ANHX: variants seen among roughly 807,000 people sequenced by gnomAD.
ANHX encodes the protein anomalous homeobox protein.
A neutral mutation model predicts 38.9 loss-of-function variants in ANHX; 20 were observed. The ratio of observed to expected loss-of-function variants is 0.51; its 90% confidence interval spans 0.36 to 0.75. The LOEUF is 0.75. Ranked by LOEUF, ANHX falls within the 30% of genes least tolerant of loss-of-function variation. ANHX has a pLI of 0.00. For missense variants in ANHX, 475 were observed against 493.1 expected (o/e 0.96, Z 0.35); for synonymous variants, 185 against 203.1 (o/e 0.91, Z 0.76).
At chr12:133,228,497 C>T (rs1254377949) in intron 3 of ANHX, among the ~76,000 whole-genome samples, 1 of 152,198 alleles carries the variant, frequency 6.6e-6, no homozygotes, top group Non-Finnish European at 1.5e-5. Flanking sequence ...ACCCCTGCCA[C>T]CCTGCATGGC....
chr12:133,229,794 G>T (rs1194633750), intron 3 of ANHX, among the ~76,000 whole-genome samples: 1 of 152,146 alleles, frequency 6.6e-6, no homozygotes, highest in East Asian at 1.9e-4. Flanking sequence ...TCCTCCTGCT[G>T]CTCATCAGCC....
chr12:133,223,464 G>A (rs943206818), intron 7 of ANHX, among the ~76,000 whole-genome samples: 5 of 54,854 alleles, frequency 9.1e-5, no homozygotes, highest in Non-Finnish European at 1.9e-4. Flanking sequence ...TTTTTTTTTT[G>A]AGACGGAGCC....
rs1431480237 is a variant in ANHX, at chr12:133,218,940, T to G, written c.1397A>C (p.Asp466Ala). 1 of 1,534,534 alleles carries G rather than the reference T, an allele frequency of 6.5e-7. No individual in the cohort carries two copies. The highest frequency in any genetic ancestry group is 2.0e-5 in the Admixed American group (1 of 50,938). ...VQCSDSQASG[D>A]AFWGARMLLE... ...GAGCATCCTGGCTCCCCAGAAGGCATCACCAGAGGCCTGGCTATCAGAACA... is the reference window on the plus strand; with the variant it reads ...GAGCATCCTGGCTCCCCAGAAGGCAGCACCAGAGGCCTGGCTATCAGAACA... Residue 466 changes from aspartate to alanine, a missense_variant, in exon 10 of 10, where the codon GAT becomes GCT. Transcript: ENST00000545940.
chr12:133,228,233 C>A (rs2135566396), intron 3 of ANHX, among the ~76,000 whole-genome samples: 1 of 152,214 alleles, frequency 6.6e-6, no homozygotes, highest in South Asian at 2.1e-4. Context: ...GATGGATGGC[C>A]CTCCTGGACA....
chr12:133,223,898 AG>A (rs930754273), intron 7 of ANHX, among the ~76,000 whole-genome samples: 2 of 152,070 alleles, frequency 1.3e-5, no homozygotes, highest in Admixed American at 6.6e-5. Flanking sequence ...AAAAATTATG[AG>A]GGGGGGAAAA....
At chr12:133,229,992 G>T (rs577242310) in intron 3 of ANHX, among the ~76,000 whole-genome samples, 1 of 152,118 alleles carries the variant, frequency 6.6e-6, no homozygotes, top group Non-Finnish European at 1.5e-5. Flanking sequence ...CCATACTCAA[G>T]ACTCTCCTCC....
At chr12:133,223,725 C>T (rs1426453162) in intron 7 of ANHX, among the ~76,000 whole-genome samples, 3 of 152,028 alleles carry the variant, frequency 2.0e-5, no homozygotes, top group African/African-American at 7.2e-5. Context: ...GGATTACAGG[C>T]GTGAGTCACT....
rs556045604 is a variant in ANHX, at chr12:133,224,962, CAA to C, written c.1132+572_1132+573del. 4.9e-4 allele frequency among the ~76,000 whole-genome samples: 43 copies of C among 87,306 alleles called. 1 individual carries two copies. The highest frequency in any genetic ancestry group is 5.8e-4 in the African/African-American group (10 of 17,208). 57.3% of individuals were successfully genotyped at this position (87,306 alleles called of 152,430 possible). A position where few individuals can be genotyped will look rare whatever the true frequency, so the allele number is the denominator to read the frequency against. On this transcript the variant is annotated intron_variant, in intron 7 of 9. Transcript: ENST00000545940. ...AGCCTGGGTGAGCAAGACTCCGTCT[CAA>C]AAAAAAAAAAAAACAAAAACAAAAA... is the stretch of plus-strand genomic sequence containing the variant.
chr12:133,218,977 A>G lies in ANHX; in HGVS notation c.1366-6T>C. ...TGGCTATCAGAACACTGCACCTGGA[A>G]GACAACACAGTGGTAAACACAGAGG... is the stretch of plus-strand genomic sequence containing the variant. On this transcript the variant is annotated splice_polypyrimidine_tract_variant and splice_region_variant and intron_variant, in intron 9 of 9. Transcript: ENST00000545940. The G allele has an allele frequency of 6.5e-7, 1 of 1,532,648 alleles. No individual in the cohort carries two copies. Among genetic ancestry groups the G allele is most frequent in the Non-Finnish European group, 8.7e-7 (1 of 1,144,458 alleles). The allele number at this position is 1,532,648 out of a possible 1,614,324, so 94.9% of individuals were successfully genotyped here.
intron 8 of ANHX, 148 bp from the exon 9 acceptor site, chr12:133,219,515 G>A (rs981603064): frequency 5.5e-5 from 34 of 622,346 alleles, no homozygotes; most frequent in African/African-American, 4.6e-4. Context: ...GGGCTGTCAC[G>A]TATGTAGGGT....
Position 133,221,091 on chromosome 12 carries a change from A to G in ANHX, c.1280+114T>C. On this transcript the variant is annotated intron_variant, in intron 8 of 9. Coordinates refer to ENST00000545940, the MANE Select transcript of ANHX (RefSeq NM_001372060.1). This position sits in a 1 kb window ranked among gnomAD's most constrained non-coding sequence, Gnocchi z 4.1. Reference sequence around the variant, plus strand: ...GGACTGTTACAGTTTTCAGCAATCCAAAGGAGAGGACCCTATCTGCACAGT... The same window carrying G: ...GGACTGTTACAGTTTTCAGCAATCCGAAGGAGAGGACCCTATCTGCACAGT... The G allele has an allele frequency of 7.4e-7, 1 of 1,343,078 alleles. No homozygotes were observed. Among genetic ancestry groups the G allele is most frequent in the Non-Finnish European group, 9.8e-7 (1 of 1,015,356 alleles). 83.2% of individuals were successfully genotyped at this position (1,343,078 alleles called of 1,614,324 possible). A position where few individuals can be genotyped will look rare whatever the true frequency, so the allele number is the denominator to read the frequency against.
At position 133,221,861 on chromosome 12, in the gene ANHX, C is replaced by T. The variant is rs1455804935; in HGVS notation, c.1133-509G>A. Among the ~76,000 whole-genome samples, 5 of 152,214 alleles carry T rather than the reference C, an allele frequency of 3.3e-5. No individual in the cohort carries two copies. The highest frequency in any genetic ancestry group is 7.2e-5 in the African/African-American group (3 of 41,452). On this transcript the variant is annotated intron_variant, in intron 7 of 9. Coordinates refer to ENST00000545940, the MANE Select transcript of ANHX (RefSeq NM_001372060.1). The surrounding 1 kb of genome is among the most constrained non-coding windows in gnomAD (Gnocchi z 4.1). ...AGCGTATCTCAGAACATCTCTCACT[C>T]TTAGACAAGCTACTGTGGTTTTGGT...
In ANHX at chr12:133,234,429, TGTCA is replaced by T; in HGVS notation, c.-22-55_-22-52del. On this transcript the variant is annotated intron_variant, in intron 1 of 9. Coordinates refer to ENST00000545940, the MANE Select transcript of ANHX (RefSeq NM_001372060.1). ...TGGCCACCACTGACCACGTCCTTTC[TGTCA>T]GTCAATCGCCCAACCCACTCTGCAA... The T allele has an allele frequency of 2.7e-6, 4 of 1,483,816 alleles. No homozygotes were observed. In the South Asian group the frequency reaches 4.0e-5, roughly 15 times the overall value. 91.9% of individuals were successfully genotyped at this position (1,483,816 alleles called of 1,614,324 possible). A position where few individuals can be genotyped will look rare whatever the true frequency, so the allele number is the denominator to read the frequency against.
chr12:133,224,978 C>A (rs987523672), intron 7 of ANHX, among the ~76,000 whole-genome samples: 1,364 of 112,306 alleles, frequency 0.012, 16 homozygotes, highest in African/African-American at 0.047. Context: ...AAAAAAAAAA[C>A]AAAAACAAAA....
chr12:133,220,803 T>A (rs1957099059), intron 8 of ANHX, among the ~76,000 whole-genome samples: 1 of 152,204 alleles, frequency 6.6e-6, no homozygotes, highest in African/African-American at 2.4e-5. Context: ...ACTGACACTA[T>A]CAACAGCAAG....
intron 3 of ANHX, among the ~76,000 whole-genome samples, chr12:133,229,406 T>TC (rs1056635004): frequency 2.0e-5 from 3 of 151,850 alleles, no homozygotes; most frequent in African/African-American, 7.3e-5. Context: ...AAGAACTCCA[T>TC]CCCCCCTCTC....
At chr12:133,224,336 GAA>G (rs1277041525) in intron 7 of ANHX, among the ~76,000 whole-genome samples, 2 of 152,198 alleles carry the variant, frequency 1.3e-5, no homozygotes, top group Non-Finnish European at 2.9e-5. Flanking sequence ...AAGCTGAAGA[GAA>G]AAGATGTATA....
At position 133,219,319 on chromosome 12, in the gene ANHX, A is replaced by T; in HGVS notation, c.1329T>A (p.Ser443=). The change falls in exon 9 of 10, where the codon TCT becomes TCA. Residue 443 remains serine, a synonymous_variant. Coordinates refer to ENST00000545940, the MANE Select transcript of ANHX (RefSeq NM_001372060.1). ...PAPSAFPGPV[S]AMELSQALPS... ...GCAGGGCCTGGCTCAGCTCCATGGC[A>T]GACACAGGGCCGGGGAAGGCAGATG... is the stretch of plus-strand genomic sequence containing the variant. The T allele has an allele frequency of 6.5e-7, 1 of 1,535,570 alleles. No homozygotes were observed. Among genetic ancestry groups the T allele is most frequent in the African/African-American group, 1.4e-5 (1 of 73,170 alleles).
intron 3 of ANHX, among the ~76,000 whole-genome samples, chr12:133,229,421 C>G (rs1957236268): frequency 6.6e-6 from 1 of 152,162 alleles, no homozygotes; most frequent in Non-Finnish European, 1.5e-5. Context: ...CCTCTCCAGA[C>G]TTTTCCCCAG....
Sources: allele counts gnomAD v4.1 joint callset (sites outside exome capture counted in the v4.1 genomes callset), GRCh38; gene constraint gnomAD v4.1.1; non-coding constraint Gnocchi (gnomAD v3.1); transcripts MANE v1.5; gene names NCBI Gene and HGNC (gene_info 2026-07-23, HGNC 2026-07-21).